The following LRP1B variants were observed in gnomAD, a reference collection of about 807,000 sequenced individuals.
The protein encoded by LRP1B is LDL receptor related protein 1B.
LRP1B carries 217 observed loss-of-function variants against 556.6 expected under a neutral mutation model. That is an observed-to-expected ratio of 0.39 (90% CI 0.35 to 0.44). The LOEUF (loss-of-function observed/expected upper bound fraction) is 0.44. Ranked by LOEUF, LRP1B falls within the 20% of genes least tolerant of loss-of-function variation. The probability of loss-of-function intolerance (pLI) is 1.00; values close to 1 mark genes in which losing one functional copy is unlikely to be tolerated. For synonymous variants in LRP1B, 2,047 were observed against 1,865.8 expected, an observed-to-expected ratio of 1.10 and a Z score of -2.50; for missense variants, 5,053 against 5,620.8, an observed-to-expected ratio of 0.90 and a Z score of 3.23.
intron 11 of LRP1B, among the ~76,000 whole-genome samples, chr2:141,047,244 G>A (rs1346952630): frequency 1.3e-5 from 2 of 151,960 alleles, no homozygotes; most frequent in African/African-American, 2.4e-5. Context: ...CCAATTTAAA[G>A]TGAAAATCTT....
intron 2 of LRP1B, among the ~76,000 whole-genome samples, chr2:141,672,076 G>A (rs1690693306): frequency 6.6e-6 from 1 of 151,820 alleles, no homozygotes; most frequent in South Asian, 2.1e-4. Context: ...TATAGGGTGG[G>A]AGGATATACT....
At chr2:140,399,164 TACAC>T (rs67690255) in intron 66 of LRP1B, among the ~76,000 whole-genome samples, 17 of 122,434 alleles carry the variant, frequency 1.4e-4, no homozygotes, top group East Asian at 4.0e-4. Flanking sequence ...AAGACCAAGA[TACAC>T]ACACACACAC....
intron 1 of LRP1B, among the ~76,000 whole-genome samples, chr2:141,820,115 A>G (rs1241796369): frequency 2.0e-5 from 3 of 152,220 alleles, no homozygotes; most frequent in Non-Finnish European, 4.4e-5. Flanking sequence ...TATAACAACC[A>G]TGAAAACTGA....
At chr2:141,879,825 T>C (rs1698893821) in intron 1 of LRP1B, among the ~76,000 whole-genome samples, 1 of 152,000 alleles carries the variant, frequency 6.6e-6, no homozygotes, top group Non-Finnish European at 1.5e-5. Flanking sequence ...CAACTTAAAA[T>C]GAATATTTTT....
At chr2:140,747,027 T>C (rs1688339504) in intron 35 of LRP1B, among the ~76,000 whole-genome samples, 1 of 152,316 alleles carries the variant, frequency 6.6e-6, no homozygotes, top group South Asian at 2.1e-4. Context: ...TAGTCTAAAC[T>C]AGTTCTGTTG....
At chr2:140,805,086 A>G (rs1690665076) in intron 32 of LRP1B, among the ~76,000 whole-genome samples, 1 of 152,180 alleles carries the variant, frequency 6.6e-6, no homozygotes, top group Admixed American at 6.5e-5. Context: ...GTGCATAACC[A>G]GATCAACAGA....
At chr2:141,002,936 T>TA (rs1187841728) in intron 15 of LRP1B, among the ~76,000 whole-genome samples, 2 of 151,998 alleles carry the variant, frequency 1.3e-5, no homozygotes, top group Non-Finnish European at 2.9e-5. Flanking sequence ...AATTTTATAA[T>TA]AAGTGAAATT....
rs528305474 is a variant in LRP1B, at chr2:141,936,632, G to A, written c.83-126231C>T. On this transcript the variant is annotated intron_variant, in intron 1 of 90. Transcript: ENST00000389484. Reference sequence around the variant, plus strand: ...TACAGCAGTTCTAACAAACTAATACGTATGGTAATTATCAAACTTTTTCTT... The same window carrying A: ...TACAGCAGTTCTAACAAACTAATACATATGGTAATTATCAAACTTTTTCTT... Among the ~76,000 whole-genome samples, 21 of 152,228 alleles carry A rather than the reference G, an allele frequency of 1.4e-4. 1 individual carries two copies. In the South Asian group the frequency reaches 4.1e-3, roughly 30 times the overall value.
chr2:140,983,197 T>C (rs1189834892), intron 17 of LRP1B, among the ~76,000 whole-genome samples: 1 of 152,124 alleles, frequency 6.6e-6, no homozygotes, highest in Non-Finnish European at 1.5e-5. Flanking sequence ...TCTGTCCCTC[T>C]GAACTACGAA....
At chr2:141,072,448 G>A (rs770110289) in intron 7 of LRP1B, among the ~76,000 whole-genome samples, 9 of 151,996 alleles carry the variant, frequency 5.9e-5, no homozygotes, top group Non-Finnish European at 1.3e-4. Context: ...GGCCTCCTCT[G>A]TGCCTATGAC....
In LRP1B at chr2:140,259,897, T is replaced by C. The variant is rs1481391335; in HGVS notation, c.13247+10345A>G. On this transcript the variant is annotated intron_variant, in intron 86 of 90. Coordinates refer to ENST00000389484, the MANE Select transcript of LRP1B (RefSeq NM_018557.3). Reference sequence around the variant, plus strand: ...TATGGAATATCATAGAGTAATGTGATAAATGTAAAAACCAATATGCCCTGC... The same window carrying C: ...TATGGAATATCATAGAGTAATGTGACAAATGTAAAAACCAATATGCCCTGC... Among the ~76,000 whole-genome samples the C allele has an allele frequency of 2.0e-5, 3 of 151,928 alleles. No homozygotes were observed. In the East Asian group the frequency reaches 5.8e-4, roughly 29 times the overall value.
intron 58 of LRP1B, among the ~76,000 whole-genome samples, chr2:140,487,018 C>G (rs555997367): frequency 6.6e-6 from 1 of 151,632 alleles, no homozygotes; most frequent in Admixed American, 6.6e-5. Context: ...TGTTTTAATG[C>G]GTATATATAG....
chr2:140,385,886 T>G lies in LRP1B; in HGVS notation c.10531+7A>C. Reference sequence around the variant, plus strand: ...GCTCAAAACATTATTAGGCAAGAGTTACTTACTACAGTTTTCTTCATCTGA... The same window carrying G: ...GCTCAAAACATTATTAGGCAAGAGTGACTTACTACAGTTTTCTTCATCTGA... On this transcript the variant is annotated splice_region_variant and intron_variant, in intron 67 of 90. Transcript: ENST00000389484. 1 of 1,575,454 alleles carries G rather than the reference T, an allele frequency of 6.3e-7. No individual in the cohort carries two copies. Among genetic ancestry groups the G allele is most frequent in the East Asian group, 2.2e-5 (1 of 44,622 alleles).
chr2:141,283,784 C>T (rs745578937), intron 3 of LRP1B, among the ~76,000 whole-genome samples: 1 of 148,298 alleles, frequency 6.7e-6, no homozygotes, highest in Non-Finnish European at 1.5e-5. Context: ...TTAGTAGAGA[C>T]GTGGTTTCAC....
At chr2:141,442,317 G>C (rs1257896117) in intron 3 of LRP1B, among the ~76,000 whole-genome samples, 1 of 151,536 alleles carries the variant, frequency 6.6e-6, no homozygotes, top group South Asian at 2.1e-4. Context: ...TTTTACAAAA[G>C]ATTTACTTTT....
At chr2:140,327,660 G>T (rs1407989869) in intron 79 of LRP1B, among the ~76,000 whole-genome samples, 2 of 151,928 alleles carry the variant, frequency 1.3e-5, no homozygotes, top group Admixed American at 6.6e-5. Flanking sequence ...CCTGTTCCCG[G>T]TAACATTAGT....
intron 2 of LRP1B, among the ~76,000 whole-genome samples, chr2:141,536,910 A>G (rs923094335): frequency 4.6e-5 from 7 of 152,082 alleles, no homozygotes; most frequent in Non-Finnish European, 8.8e-5. Flanking sequence ...TCAGGAGGAC[A>G]CACATTTTTG....
chr2:140,538,722 T>C (rs1680023019), intron 45 of LRP1B, among the ~76,000 whole-genome samples: 1 of 152,118 alleles, frequency 6.6e-6, no homozygotes, highest in Non-Finnish European at 1.5e-5. Flanking sequence ...CATCTTAGCA[T>C]AGAACAAAAT....
chr2:140,571,027 A>G (rs1681303393), intron 43 of LRP1B, among the ~76,000 whole-genome samples: 1 of 151,902 alleles, frequency 6.6e-6, no homozygotes, highest in African/African-American at 2.4e-5. Flanking sequence ...AAGGCCATAT[A>G]TGACAAGCAC....
Sources: gnomAD v4.1 joint callset for allele counts (sites outside exome capture counted in the v4.1 genomes callset) on GRCh38, gnomAD v4.1.1 for gene constraint, MANE v1.5 for transcripts, NCBI Gene and HGNC (gene_info 2026-07-23, HGNC 2026-07-21) for gene names.